SLC43A2: variants seen among roughly 807,000 people sequenced by gnomAD.
The protein encoded by SLC43A2 is large neutral amino acids transporter small subunit 4.
In SLC43A2, 38 loss-of-function variants were observed where a neutral mutation model predicts 63.2. That is an observed-to-expected ratio of 0.60 (90% confidence interval 0.46 to 0.79). The LOEUF (loss-of-function observed/expected upper bound fraction) is 0.79. SLC43A2 is among the 30% of genes least tolerant of loss of function. The probability of loss-of-function intolerance (pLI) is 0.00; values close to 1 mark genes in which losing one functional copy is unlikely to be tolerated. For synonymous variants in SLC43A2, 322 were observed against 331.0 expected, an observed-to-expected ratio of 0.97 and a Z score of 0.30; for missense variants, 644 against 756.2, an observed-to-expected ratio of 0.85 and a Z score of 1.74.
intron 2 of SLC43A2, among the ~76,000 whole-genome samples, chr17:1,627,036 G>A (rs1450624304): frequency 6.6e-6 from 1 of 152,214 alleles, no homozygotes; most frequent in Non-Finnish European, 1.5e-5. Flanking sequence ...AGCAATTCCA[G>A]TGACAAGGCA....
chr17:1,588,897 G>A (rs1904482283), intron 9 of SLC43A2, among the ~76,000 whole-genome samples: 1 of 152,092 alleles, frequency 6.6e-6, no homozygotes, highest in Admixed American at 6.5e-5. Context: ...GTGGTCGCGG[G>A]GCCGTACGCG....
chr17:1,627,687 C>T (rs772073051), intron 2 of SLC43A2, 28 bp downstream of exon 2: 1 of 1,484,684 alleles, frequency 6.7e-7, no homozygotes, highest in Non-Finnish European at 9.0e-7. Flanking sequence ...CTCCAGGAGC[C>T]CCCCGCAACC....
chr17:1,586,932 C>CCCCCCCCCCCCAAA, intron 9 of SLC43A2: 1 of 1,330,040 alleles, frequency 7.5e-7, no homozygotes, highest in Non-Finnish European at 1.0e-6. Flanking sequence ...TGACAATCCC[C>CCCCCCCCCCCCAAA]CCCACCCCCC....
chr17:1,616,218 G>C (rs1031149249), intron 3 of SLC43A2: 2 of 273,600 alleles, frequency 7.3e-6, no homozygotes, highest in African/African-American at 2.2e-5. Flanking sequence ...TGCCAGCTTC[G>C]TAACAAGGTT....
chr17:1,625,004 T>A (rs1335442157), intron 2 of SLC43A2, among the ~76,000 whole-genome samples: 1 of 151,702 alleles, frequency 6.6e-6, no homozygotes, highest in East Asian at 1.9e-4. Context: ...AGCTCAGGAG[T>A]GGGCCGTCAC....
rs149323282 is a variant in SLC43A2, at chr17:1,607,640, G to A, written c.501+5555C>T. Among the ~76,000 whole-genome samples the A allele has an allele frequency of 5.1e-3, 772 of 152,270 alleles. 3 individuals carry two copies. The highest frequency in any genetic ancestry group is 0.017 in the African/African-American group (725 of 41,562). On this transcript the variant is annotated intron_variant, in intron 5 of 13. Coordinates refer to ENST00000301335, the MANE Select transcript of SLC43A2 (RefSeq NM_152346.3). Reference sequence around the variant, plus strand: ...TGGGTGTCAGCACATGCCCTCAGACGAGGAACAGTGACGTAGCAGCTTCCT... The same window carrying A: ...TGGGTGTCAGCACATGCCCTCAGACAAGGAACAGTGACGTAGCAGCTTCCT...
At position 1,581,996 on chromosome 17, in the gene SLC43A2, G is replaced by A. The variant is rs111742452; in HGVS notation, c.1350+1208C>T. 1.9e-4 allele frequency among the ~76,000 whole-genome samples: 28 copies of A among 151,124 alleles called. No individual in the cohort carries two copies. The South Asian group carries it at 2.1e-3, about 11-fold the overall frequency. On this transcript the variant is annotated intron_variant, in intron 11 of 13. Coordinates refer to ENST00000301335, the MANE Select transcript of SLC43A2 (RefSeq NM_152346.3). ...TAATTTTTGTAATTTTAGTAGAGAC[G>A]GGGTTTCACCATTTTGGATAGGCTA...
intron 9 of SLC43A2, among the ~76,000 whole-genome samples, chr17:1,589,325 C>T (rs1402255866): frequency 1.3e-5 from 2 of 152,132 alleles, no homozygotes; most frequent in African/African-American, 2.4e-5. Context: ...GTTTATCAGG[C>T]TGGGTGTGGA....
chr17:1,611,258 T>G (rs1163626467), intron 5 of SLC43A2, among the ~76,000 whole-genome samples: 2 of 152,172 alleles, frequency 1.3e-5, no homozygotes, highest in African/African-American at 4.8e-5. Flanking sequence ...TCCCTGAAAT[T>G]CAGGCCTGCC....
chr17:1,604,939 C>A, intron 5 of SLC43A2: 10 of 1,516,908 alleles, frequency 6.6e-6, no homozygotes, highest in South Asian at 1.2e-5. Context: ...GCCGCGGTGC[C>A]GGAGTGAGGG....
At chr17:1,621,742 T>G (rs535569479) in intron 2 of SLC43A2, among the ~76,000 whole-genome samples, 1 of 152,324 alleles carries the variant, frequency 6.6e-6, no homozygotes, top group East Asian at 1.9e-4. Flanking sequence ...GGTAAGTCAC[T>G]TGCAGAAGGT....
chr17:1,585,697 A>G (rs891622974), intron 10 of SLC43A2: 10 of 1,495,098 alleles, frequency 6.7e-6, no homozygotes, highest in Middle Eastern at 1.7e-4. Context: ...CTCAAACTTT[A>G]GCATTTCCAT....
chr17:1,627,372 C>T (rs1471568074), intron 2 of SLC43A2, among the ~76,000 whole-genome samples: 2 of 152,184 alleles, frequency 1.3e-5, no homozygotes. Flanking sequence ...TTACTACCAG[C>T]CAAGCTATGT....
chr17:1,616,892 C>T (rs1046529318), intron 2 of SLC43A2, 123 bp from the exon 3 acceptor site: 16 of 1,124,712 alleles, frequency 1.4e-5, no homozygotes, highest in Non-Finnish European at 1.9e-5. Context: ...GGCGGCCTCT[C>T]GAGGGCTCAG....
intron 5 of SLC43A2, among the ~76,000 whole-genome samples, chr17:1,602,912 C>G (rs1906203351): frequency 6.6e-6 from 1 of 151,722 alleles, no homozygotes; most frequent in African/African-American, 2.4e-5. Context: ...GCACCCGCCA[C>G]CACACCCGGC....
rs1006854768 is a variant in SLC43A2 at position 1,593,566 on chromosome 17, C to T, written c.502-287G>A. Among the ~76,000 whole-genome samples the T allele has an allele frequency of 2.0e-5, 3 of 152,128 alleles. No homozygotes were observed. The highest frequency in any genetic ancestry group is 2.9e-5 in the Non-Finnish European group (2 of 68,018). On this transcript the variant is annotated intron_variant, in intron 5 of 13. Transcript: ENST00000301335. This position sits in a 1 kb window ranked among gnomAD's most constrained non-coding sequence, Gnocchi z 5.3. ...CTCTGCTCCTGGCAGAGCCCAGGAGCCTTCTTGTCTTTTCAGGGTAACACT... is the reference window on the plus strand; with the variant it reads ...CTCTGCTCCTGGCAGAGCCCAGGAGTCTTCTTGTCTTTTCAGGGTAACACT...
At position 1,593,606 on chromosome 17, in the gene SLC43A2, C is replaced by A. The variant is rs1205788684; in HGVS notation, c.502-327G>T. ...AGGGTAACACTGAGATGCCAGAGAA[C>A]AAAGTTATGAGCCTCAGGCAGCCCT... On this transcript the variant is annotated intron_variant, in intron 5 of 13. Coordinates refer to ENST00000301335, the MANE Select transcript of SLC43A2 (RefSeq NM_152346.3). The surrounding 1 kb of genome is among the most constrained non-coding windows in gnomAD (Gnocchi z 5.3). Among the ~76,000 whole-genome samples the A allele has an allele frequency of 6.6e-6, 1 of 152,058 alleles. No individual in the cohort carries two copies. Among genetic ancestry groups the A allele is most frequent in the Non-Finnish European group, 1.5e-5 (1 of 67,994 alleles).
At position 1,600,301 on chromosome 17, in the gene SLC43A2, C is replaced by T. The variant is rs181709706; in HGVS notation, c.502-7022G>A. On this transcript the variant is annotated intron_variant, in intron 5 of 13. Coordinates refer to ENST00000301335, the MANE Select transcript of SLC43A2 (RefSeq NM_152346.3). ...GAGTAGCCAGGGTTACAGGTGCCTG[C>T]CACGACGCCTGGCTAATTTTTGTAT... 1.6e-4 allele frequency among the ~76,000 whole-genome samples: 24 copies of T among 146,696 alleles called. No individual in the cohort carries two copies. The East Asian group carries it at 5.1e-3, about 31-fold the overall frequency.
intron 5 of SLC43A2, among the ~76,000 whole-genome samples, chr17:1,594,708 C>T (rs1201438967): frequency 1.3e-5 from 2 of 149,208 alleles, no homozygotes; most frequent in African/African-American, 2.5e-5. Flanking sequence ...CTGCCTCAGC[C>T]TCCCGTGTAG....
Sources: gnomAD v4.1 joint callset for allele counts (sites outside exome capture counted in the v4.1 genomes callset) on GRCh38, gnomAD v4.1.1 for gene constraint, Gnocchi (gnomAD v3.1) non-coding constraint, MANE v1.5 for transcripts, NCBI Gene and HGNC (gene_info 2026-07-23, HGNC 2026-07-21) for gene names.